Variants in BTD observed in about 807,000 individuals in gnomAD.
BTD encodes biotinidase.
In BTD, 13 loss-of-function variants were observed where a neutral mutation model predicts 17.7. That is an observed-to-expected ratio of 0.74 (90% confidence interval 0.48 to 1.17). BTD has a LOEUF of 1.17. Among genes scored for constraint, BTD ranks in the 50% most tolerant of loss-of-function variants. The pLI, the probability that BTD is intolerant of heterozygous loss-of-function variation, is 0.00. For missense variants in BTD, 674 were observed against 650.4 expected (o/e 1.04, Z -0.39); for synonymous variants, 240 against 245.2 (o/e 0.98, Z 0.20).
intron 3 of BTD, among the ~76,000 whole-genome samples, chr3:15,681,277 T>C (rs2125707678): frequency 6.6e-6 from 1 of 152,328 alleles, no homozygotes; most frequent in East Asian, 1.9e-4. Context: ...AGTCTGTACA[T>C]GTTCAGCCTA....
chr3:15,678,057 C>A (rs1377783700), intron 3 of BTD, among the ~76,000 whole-genome samples: 1 of 152,032 alleles, frequency 6.6e-6, no homozygotes, highest in Non-Finnish European at 1.5e-5. Context: ...AACATTGTAT[C>A]CCTAAATGAA....
intron 4 of BTD, among the ~76,000 whole-genome samples, chr3:15,719,723 A>G (rs2073486786): frequency 6.7e-6 from 1 of 149,230 alleles, no homozygotes; most frequent in East Asian, 2.0e-4. Context: ...ATAATTTTTA[A>G]TTTTTTTTTT....
intron 1 of BTD, among the ~76,000 whole-genome samples, chr3:15,616,816 G>T (rs1334711793): frequency 6.6e-6 from 1 of 151,942 alleles, no homozygotes; most frequent in Non-Finnish European, 1.5e-5. Context: ...TGTCTGTTCA[G>T]ATCTTTTGCT....
At chr3:15,614,365 C>T (rs2064729951) in intron 1 of BTD, among the ~76,000 whole-genome samples, 1 of 152,082 alleles carries the variant, frequency 6.6e-6, no homozygotes, top group South Asian at 2.1e-4. Flanking sequence ...ATCCTCTCAT[C>T]TTGACCTCCA....
intron 1 of BTD, among the ~76,000 whole-genome samples, chr3:15,624,664 T>C (rs1413123707): frequency 6.6e-6 from 1 of 151,948 alleles, no homozygotes; most frequent in African/African-American, 2.4e-5. Flanking sequence ...ATATTCATCA[T>C]ATTTATTTTA....
intron 3 of BTD, among the ~76,000 whole-genome samples, chr3:15,692,390 T>C (rs2470546): frequency 0.56 from 85,186 of 152,000 alleles, 24,390 homozygotes; most frequent in Admixed American, 0.63. Context: ...TTCAAGACTG[T>C]AGTGAGCCGT....
At chr3:15,627,141 G>A (rs924308717) in intron 1 of BTD, among the ~76,000 whole-genome samples, 7 of 152,130 alleles carry the variant, frequency 4.6e-5, no homozygotes, top group Admixed American at 3.3e-4. Context: ...CCCTCCAACC[G>A]AACACCCCTG....
At chr3:15,692,475 A>G (rs1480242873) in intron 3 of BTD, among the ~76,000 whole-genome samples, 1 of 152,226 alleles carries the variant, frequency 6.6e-6, no homozygotes, top group Non-Finnish European at 1.5e-5. Flanking sequence ...AATAAAAAAT[A>G]AAAATGAAAA....
intron 1 of BTD, among the ~76,000 whole-genome samples, chr3:15,631,749 C>T (rs1479853740): frequency 1.3e-5 from 2 of 152,190 alleles, no homozygotes; most frequent in African/African-American, 4.8e-5. Context: ...TGTTTCCTGT[C>T]TCCCAGATGC....
chr3:15,709,344 A>G (rs1326513523), intron 3 of BTD, among the ~76,000 whole-genome samples: 10 of 152,046 alleles, frequency 6.6e-5, no homozygotes, highest in Non-Finnish European at 1.2e-4. Flanking sequence ...AGGTATTGTG[A>G]GTTTCTTGAA....
chr3:15,688,794 G>A (rs1284869068), intron 3 of BTD, among the ~76,000 whole-genome samples: 3 of 152,192 alleles, frequency 2.0e-5, no homozygotes, highest in Admixed American at 6.5e-5. Context: ...ATAGACCTTC[G>A]TATTTTAACG....
intron 3 of BTD, among the ~76,000 whole-genome samples, chr3:15,643,466 A>G (rs983135674): frequency 6.6e-6 from 1 of 152,088 alleles, no homozygotes; most frequent in African/African-American, 2.4e-5. Context: ...GTGCCACTGC[A>G]CTCCAGCCTG....
At chr3:15,701,052 C>T (rs967358607) in intron 3 of BTD, among the ~76,000 whole-genome samples, 1 of 152,114 alleles carries the variant, frequency 6.6e-6, no homozygotes. Flanking sequence ...TAATCAAATA[C>T]TCCTTATTAA....
chr3:15,696,509 G>A (rs778188032), intron 3 of BTD, among the ~76,000 whole-genome samples: 3 of 151,864 alleles, frequency 2.0e-5, no homozygotes, highest in Non-Finnish European at 4.4e-5. Flanking sequence ...CATATGTGAA[G>A]GCTATCTTTT....
chr3:15,602,716 C>T (rs1324852554), intron 1 of BTD, among the ~76,000 whole-genome samples: 1 of 152,026 alleles, frequency 6.6e-6, no homozygotes, highest in Admixed American at 6.6e-5. Flanking sequence ...TTTCTAAACC[C>T]AGACATTTTC....
Position 15,642,051 on chromosome 3 carries a change from C to CA in BTD, c.394dup (p.Thr132AsnfsTer30). The CA allele has an allele frequency of 6.2e-7, 1 of 1,614,122 alleles. No homozygotes were observed. The highest frequency in any genetic ancestry group is 1.1e-5 in the South Asian group (1 of 91,062). Reference sequence around the variant, plus strand: ...GCCTGGAGCCTCACCGCTTCAATGACACAGAGGTGATTCCTGCCTTTTTCC... The same window carrying CA: ...GCCTGGAGCCTCACCGCTTCAATGACAACAGAGGTGATTCCTGCCTTTTTCC... On this transcript the variant is annotated frameshift_variant, in exon 3 of 4. Transcript: ENST00000643237. LOFTEE classifies it low-confidence loss of function (END_TRUNC).
downstream of BTD, among the ~76,000 whole-genome samples, chr3:15,716,261 C>A (rs901814520): frequency 1.3e-5 from 2 of 149,892 alleles, no homozygotes; most frequent in Non-Finnish European, 3.0e-5. Context: ...GGATTACAGG[C>A]ATGAGCCACC....
At chr3:15,642,470 T>G (rs902647256) in intron 3 of BTD, among the ~76,000 whole-genome samples, 4 of 151,508 alleles carry the variant, frequency 2.6e-5, no homozygotes, top group Non-Finnish European at 5.9e-5. Flanking sequence ...TTTTTTTTTT[T>G]TTGAGATGGA....
Position 15,647,979 on chromosome 3 carries a change from C to T in BTD, c.*2491C>T, listed in dbSNP as rs1198937106. 6.6e-6 allele frequency among the ~76,000 whole-genome samples: 1 copy of T among 152,202 alleles called. No homozygotes were observed. Among genetic ancestry groups the T allele is most frequent in the African/African-American group, 2.4e-5 (1 of 41,452 alleles). On this transcript the variant is annotated 3_prime_UTR_variant, in exon 4 of 4. Transcript: ENST00000643237. ...TCTCAAGACACAGGCCTGTCCAGAG[C>T]CCCTGCTGAGGGAAACCCACCCAGG... is the stretch of plus-strand genomic sequence containing the variant.
Sources: gnomAD v4.1 joint callset for allele counts (sites outside exome capture counted in the v4.1 genomes callset) on GRCh38, gnomAD v4.1.1 for gene constraint, MANE v1.5 for transcripts, NCBI Gene and HGNC (gene_info 2026-07-23, HGNC 2026-07-21) for gene names.